MACROD2: variants seen among roughly 807,000 people sequenced by gnomAD.
MACROD2 encodes ADP-ribose glycohydrolase MACROD2.
MACROD2 carries 36 observed loss-of-function variants against 70.4 expected under a neutral mutation model. The ratio of observed to expected loss-of-function variants is 0.51; its 90% CI spans 0.39 to 0.68. The LOEUF (loss-of-function observed/expected upper bound fraction) is 0.68, where lower values mean the gene tolerates loss of function less well. Among genes scored for constraint, MACROD2 ranks in the 30% least tolerant of loss-of-function variants. The pLI is 0.00. For synonymous variants in MACROD2, 172 were observed against 178.8 expected (o/e 0.96, Z 0.30); for missense variants, 496 against 538.4 (o/e 0.92, Z 0.78).
chr20:15,940,010 T>C (rs531085170), intron 12 of MACROD2, among the ~76,000 whole-genome samples: 14 of 152,170 alleles, frequency 9.2e-5, no homozygotes, highest in Non-Finnish European at 1.6e-4. Context: ...AGAAGTTGCA[T>C]CTTATTTATT....
At chr20:14,167,549 A>T (rs544105416) in intron 3 of MACROD2, among the ~76,000 whole-genome samples, 16 of 151,488 alleles carry the variant, frequency 1.1e-4, no homozygotes, top group African/African-American at 3.9e-4. Context: ...ATGCCCAGCT[A>T]ATTTTTGTGC....
At chr20:15,602,412 C>T (rs990239846) in intron 8 of MACROD2, among the ~76,000 whole-genome samples, 1 of 152,190 alleles carries the variant, frequency 6.6e-6, no homozygotes, top group African/African-American at 2.4e-5. Context: ...TTTTACTGCC[C>T]TCCCTTCCCG....
At chr20:14,288,992 C>G (rs922884468) in intron 3 of MACROD2, among the ~76,000 whole-genome samples, 6 of 152,172 alleles carry the variant, frequency 3.9e-5, no homozygotes, top group South Asian at 2.1e-4. Flanking sequence ...AACAACCCAG[C>G]TACTTCCTTA....
At chr20:14,158,311 C>T (rs1454214045) in intron 3 of MACROD2, among the ~76,000 whole-genome samples, 1 of 151,956 alleles carries the variant, frequency 6.6e-6, no homozygotes, top group Non-Finnish European at 1.5e-5. Flanking sequence ...GTTTGAGTTC[C>T]TTGTGTATTA....
intron 3 of MACROD2, among the ~76,000 whole-genome samples, chr20:14,377,288 CTGTT>C (rs772225531): frequency 8.5e-5 from 13 of 152,156 alleles, no homozygotes; most frequent in Non-Finnish European, 1.5e-4. Context: ...AAATTTGAAA[CTGTT>C]TGTGGGCATT....
intron 7 of MACROD2, among the ~76,000 whole-genome samples, chr20:15,457,949 G>C: frequency 9.2e-6 from 1 of 109,018 alleles, no homozygotes; most frequent in Non-Finnish European, 1.9e-5. Flanking sequence ...CACCTTAAAT[G>C]AAAAAAAAAA....
intron 5 of MACROD2, among the ~76,000 whole-genome samples, chr20:15,176,787 G>T (rs146107922): frequency 1.3e-5 from 2 of 152,270 alleles, no homozygotes; most frequent in East Asian, 3.9e-4. Context: ...CTTCCATGTT[G>T]CAGGCAATGA....
chr20:15,749,538 G>A (rs1249923325), intron 8 of MACROD2, among the ~76,000 whole-genome samples: 1 of 151,936 alleles, frequency 6.6e-6, no homozygotes, highest in Admixed American at 6.6e-5. Flanking sequence ...AGCTTTTTGT[G>A]ACATTGACTT....
intron 3 of MACROD2, among the ~76,000 whole-genome samples, chr20:14,130,534 ACT>A (rs1292851115): frequency 6.6e-6 from 1 of 151,946 alleles, no homozygotes; most frequent in African/African-American, 2.4e-5. Context: ...ACAGAGTGAG[ACT>A]CTGTCTCAAA....
intron 5 of MACROD2, among the ~76,000 whole-genome samples, chr20:14,774,404 C>T (rs2072208619): frequency 6.6e-6 from 1 of 151,960 alleles, no homozygotes; most frequent in African/African-American, 2.4e-5. Flanking sequence ...TAATTATTTT[C>T]TCTATATTGG....
At chr20:14,870,117 G>A (rs149741012) in intron 5 of MACROD2, among the ~76,000 whole-genome samples, 115 of 152,114 alleles carry the variant, frequency 7.6e-4, no homozygotes, top group African/African-American at 2.5e-3. Flanking sequence ...TCTACCCTCC[G>A]ATATGCCACA....
At chr20:15,968,794 T>A (rs1292953056) in intron 13 of MACROD2, among the ~76,000 whole-genome samples, 2 of 89,396 alleles carry the variant, frequency 2.2e-5, no homozygotes, top group African/African-American at 3.7e-5. Flanking sequence ...TTATATATTA[T>A]GCGTATATAT....
At chr20:14,403,678 C>T (rs1314959155) in intron 3 of MACROD2, among the ~76,000 whole-genome samples, 1 of 152,146 alleles carries the variant, frequency 6.6e-6, no homozygotes, top group Non-Finnish European at 1.5e-5. Flanking sequence ...AGAGTATTCT[C>T]TGGAGCCAAA....
At chr20:16,033,189 G>A (rs763372401) in intron 15 of MACROD2, among the ~76,000 whole-genome samples, 12 of 152,010 alleles carry the variant, frequency 7.9e-5, no homozygotes, top group African/African-American at 2.9e-4. Flanking sequence ...AATAAATCTT[G>A]TTCCAAAGTC....
intron 5 of MACROD2, among the ~76,000 whole-genome samples, chr20:15,124,781 CCTGGCTTT>C (rs1039440675): frequency 1.3e-4 from 19 of 151,776 alleles, no homozygotes; most frequent in Admixed American, 8.5e-4. Context: ...TTTTTACCTC[CCTGGCTTT>C]CTTTGTATTG....
At chr20:15,754,274 C>T (rs6034279) in intron 8 of MACROD2, among the ~76,000 whole-genome samples, 27,417 of 152,112 alleles carry the variant, frequency 0.18, 3,050 homozygotes, top group African/African-American at 0.31. Flanking sequence ...CCAAAAATCA[C>T]GGTTTCTTTA....
At chr20:15,764,636 C>T (rs771993408) in intron 8 of MACROD2, among the ~76,000 whole-genome samples, 5 of 152,162 alleles carry the variant, frequency 3.3e-5, no homozygotes, top group African/African-American at 4.8e-5. Flanking sequence ...TCCGATGCCA[C>T]CACCATAGTT....
chr20:15,797,367 A>G (rs1810505), intron 8 of MACROD2, among the ~76,000 whole-genome samples: 73,224 of 151,932 alleles, frequency 0.48, 18,635 homozygotes, highest in African/African-American at 0.66. Flanking sequence ...CGCCCGCCCC[A>G]GCCTCCCAAA....
intron 4 of MACROD2, among the ~76,000 whole-genome samples, chr20:14,664,828 C>T (rs1292018024): frequency 6.6e-6 from 1 of 151,902 alleles, no homozygotes; most frequent in African/African-American, 2.4e-5. Context: ...AAACTGAGGC[C>T]CAAAAGAGCT....
Sources: gnomAD v4.1 joint callset for allele counts (sites outside exome capture counted in the v4.1 genomes callset) on GRCh38, gnomAD v4.1.1 for gene constraint, MANE v1.5 for transcripts, NCBI Gene and HGNC (gene_info 2026-07-23, HGNC 2026-07-21) for gene names.